Variants in MSI2 observed in about 807,000 individuals in gnomAD.
MSI2 encodes musashi RNA binding protein 2, also known as RNA-binding protein Musashi homolog 2.
MSI2 carries 17 observed loss-of-function variants against 45.6 expected under a neutral mutation model. That is an observed-to-expected ratio of 0.37 (90% CI 0.26 to 0.56). The LOEUF is 0.56. Ranked by LOEUF, MSI2 falls within the 20% of genes least tolerant of loss-of-function variation. The probability of loss-of-function intolerance (pLI) is 0.77; values close to 1 mark genes in which losing one functional copy is unlikely to be tolerated. For synonymous variants in MSI2, 156 were observed against 158.2 expected (o/e 0.99, Z 0.11); for missense variants, 293 against 444.2 (o/e 0.66, Z 3.06).
intron 9 of MSI2, among the ~76,000 whole-genome samples, chr17:57,617,216 G>A (rs1907800490): frequency 6.6e-6 from 1 of 152,220 alleles, no homozygotes; most frequent in Non-Finnish European, 1.5e-5. Context: ...AAATGGCCAT[G>A]ATGTTAATTC....
rs769557012 is a variant in MSI2, at chr17:57,374,741, TG to T, written c.313-26637del. On this transcript the variant is annotated intron_variant, in intron 5 of 13. Transcript: ENST00000284073. ...TTGCAGTAAGTCGAGATTATGCCAC[TG>T]CACTCCAACCTGGGCGGTAGAGTGA... 2.0e-5 allele frequency among the ~76,000 whole-genome samples: 3 copies of T among 152,314 alleles called. No individual in the cohort carries two copies. The East Asian group carries it at 5.8e-4, about 29-fold the overall frequency.
chr17:57,698,716 C>T, the MSI2 span, among the ~76,000 whole-genome samples: 1 of 152,102 alleles, frequency 6.6e-6, no homozygotes, highest in Non-Finnish European at 1.5e-5. Flanking sequence ...CCCCTTGTTG[C>T]CTTTTCATGT....
chr17:57,259,639 C>G (rs1012654510), intron 4 of MSI2, among the ~76,000 whole-genome samples: 3 of 152,176 alleles, frequency 2.0e-5, no homozygotes, highest in African/African-American at 7.2e-5. Context: ...TGCAGCCCAG[C>G]CTTTTGTACT....
intron 5 of MSI2, among the ~76,000 whole-genome samples, chr17:57,366,055 C>T (rs1470919710): frequency 1.3e-5 from 2 of 152,074 alleles, no homozygotes; most frequent in African/African-American, 2.4e-5. Context: ...CTGGGACCAC[C>T]GTTGTGTACC....
At chr17:57,630,958 C>T (rs576256492) in intron 10 of MSI2, 1 of 152,412 alleles carries the variant, frequency 6.6e-6, no homozygotes, top group South Asian at 2.1e-4. Context: ...CTCTCCTCAT[C>T]CCCATCAGGT....
chr17:57,395,978 T>G (rs569741226), intron 5 of MSI2, among the ~76,000 whole-genome samples: 1 of 152,330 alleles, frequency 6.6e-6, no homozygotes, highest in African/African-American at 2.4e-5. Flanking sequence ...TACCCAGTGC[T>G]AGCATTTTAA....
intron 6 of MSI2, among the ~76,000 whole-genome samples, chr17:57,480,148 A>G (rs1196642033): frequency 6.6e-6 from 1 of 152,108 alleles, no homozygotes; most frequent in African/African-American, 2.4e-5. Flanking sequence ...ATTTTTGTAG[A>G]GATGGGGTTT....
rs149367189 is a variant in MSI2, at chr17:57,449,196, T to G, written c.405+47725T>G. Reference sequence around the variant, plus strand: ...ACTGTGTCCTGTGTGAATGCTAGGATGTACTCACTGAGCCTCCTTGAGGCT... The same window carrying G: ...ACTGTGTCCTGTGTGAATGCTAGGAGGTACTCACTGAGCCTCCTTGAGGCT... On this transcript the variant is annotated intron_variant, in intron 6 of 13. Transcript: ENST00000284073. The G allele has an allele frequency of 3.9e-5, 6 of 152,408 alleles. 1 individual carries two copies. The highest frequency in any genetic ancestry group is 3.9e-4 in the Admixed American group (6 of 15,304). 9.4% of individuals were successfully genotyped at this position (152,408 alleles called of 1,614,324 possible).
At chr17:57,472,271 G>T (rs1177959921) in intron 6 of MSI2, among the ~76,000 whole-genome samples, 1 of 152,200 alleles carries the variant, frequency 6.6e-6, no homozygotes, top group African/African-American at 2.4e-5. Context: ...GGACTGCCTG[G>T]CAGGCACACC....
chr17:57,380,712 G>A (rs1170788122), intron 5 of MSI2, among the ~76,000 whole-genome samples: 1 of 152,194 alleles, frequency 6.6e-6, no homozygotes, highest in African/African-American at 2.4e-5. Context: ...TTCTGCTTTT[G>A]TGAGCACCTG....
chr17:57,392,297 A>G (rs2083808243), intron 5 of MSI2, among the ~76,000 whole-genome samples: 1 of 152,166 alleles, frequency 6.6e-6, no homozygotes, highest in South Asian at 2.1e-4. Context: ...GGTAAGAGGA[A>G]GTAGTATTTT....
At chr17:57,279,980 C>CTA (rs1346034436) in intron 5 of MSI2, 2 of 150,676 alleles carry the variant, frequency 1.3e-5, no homozygotes, top group Non-Finnish European at 2.9e-5. Flanking sequence ...ACCATAAATG[C>CTA]TATACATCCA....
intron 6 of MSI2, among the ~76,000 whole-genome samples, chr17:57,414,107 TCAAGG>T (rs2084248683): frequency 1.3e-5 from 2 of 149,884 alleles, no homozygotes; most frequent in African/African-American, 5.1e-5. Flanking sequence ...GATTGTGTCA[TCAAGG>T]AAAGAAACCA....
At chr17:57,326,007 C>T (rs1416508765) in intron 5 of MSI2, among the ~76,000 whole-genome samples, 1 of 152,164 alleles carries the variant, frequency 6.6e-6, no homozygotes, top group Non-Finnish European at 1.5e-5. Flanking sequence ...GAATGCCCAC[C>T]TGCCTAGTTC....
intron 11 of MSI2, among the ~76,000 whole-genome samples, chr17:57,660,945 A>G (rs1356792653): frequency 6.6e-6 from 1 of 152,226 alleles, no homozygotes; most frequent in Non-Finnish European, 1.5e-5. Flanking sequence ...GCCTGAAACT[A>G]GGAACTGACA....
At chr17:57,675,510 T>C (rs1465003602) in intron 12 of MSI2, among the ~76,000 whole-genome samples, 1 of 152,198 alleles carries the variant, frequency 6.6e-6, no homozygotes, top group Non-Finnish European at 1.5e-5. Context: ...CGCTGGCACG[T>C]AATAGGGCCT....
rs980505930 is a variant in MSI2, at chr17:57,280,430, T to C, written c.312+18238T>C. The stretch of plus-strand genomic sequence containing the variant: ...TTAGCTGAGTTCTTGGAGGTAGTGA[T>C]GGAGACCAGTGGATGGATTTGAGAT... On this transcript the variant is annotated intron_variant, in intron 5 of 13. Coordinates refer to ENST00000284073, the MANE Select transcript of MSI2 (RefSeq NM_138962.4). This position sits in a 1 kb window ranked among gnomAD's most constrained non-coding sequence, Gnocchi z 4.2. Among the ~76,000 whole-genome samples, 4 of 152,202 alleles carry C rather than the reference T, an allele frequency of 2.6e-5. No individual in the cohort carries two copies. The highest frequency in any genetic ancestry group is 4.8e-5 in the African/African-American group (2 of 41,442).
In MSI2 at chr17:57,262,194, T is replaced by G; in HGVS notation, c.312+2T>G. The G allele has an allele frequency of 6.2e-7, 1 of 1,613,906 alleles. No individual in the cohort carries two copies. The highest frequency in any genetic ancestry group is 8.5e-7 in the Non-Finnish European group (1 of 1,179,936). ...TTTCCTCGTCGAGCGCAACCCAAGG[T>G]AAGTAGGAGAATAAACAGTAGGATT... On this transcript the variant is annotated splice_donor_variant, in intron 5 of 13. Coordinates refer to ENST00000284073, the MANE Select transcript of MSI2 (RefSeq NM_138962.4). LOFTEE classifies it high-confidence loss of function.
At chr17:57,665,525 T>A (rs1305783677) in intron 11 of MSI2, among the ~76,000 whole-genome samples, 1 of 152,180 alleles carries the variant, frequency 6.6e-6, no homozygotes, top group Non-Finnish European at 1.5e-5. Flanking sequence ...TTATAATTAT[T>A]AAAAAGGAGC....
Sources: allele counts gnomAD v4.1 joint callset (sites outside exome capture counted in the v4.1 genomes callset), GRCh38; gene constraint gnomAD v4.1.1; non-coding constraint Gnocchi (gnomAD v3.1); transcripts MANE v1.5; gene names NCBI Gene and HGNC (gene_info 2026-07-23, HGNC 2026-07-21).